The following ACACB variants were observed in gnomAD, a reference collection of about 807,000 sequenced individuals.
ACACB encodes the protein acetyl-CoA carboxylase beta, also known as acetyl-CoA carboxylase 2.
In ACACB, 209 loss-of-function variants were observed where a neutral mutation model predicts 278.8. That is an observed-to-expected ratio of 0.75 (90% CI 0.67 to 0.84). The LOEUF is 0.84. Ranked by LOEUF, ACACB falls within the 40% of genes least tolerant of loss-of-function variation. ACACB has a pLI of 0.00. For missense variants in ACACB, 2,850 were observed against 3,269.0 expected, an observed-to-expected ratio of 0.87 and a Z score of 3.13; for synonymous variants, 1,174 against 1,285.6, an observed-to-expected ratio of 0.91 and a Z score of 1.86.
chr12:109,147,682 G>A (rs2043277006), intron 2 of ACACB, among the ~76,000 whole-genome samples: 2 of 152,090 alleles, frequency 1.3e-5, no homozygotes, highest in Admixed American at 1.3e-4. Flanking sequence ...GCTGGTGCTG[G>A]CTCATGGTAG....
intron 46 of ACACB, 101 bp downstream of exon 46, chr12:109,258,465 G>A (rs952316368): frequency 2.6e-5 from 24 of 911,686 alleles, no homozygotes; most frequent in African/African-American, 6.5e-5. Flanking sequence ...AACTTAGGTG[G>A]AGAAGCAGGG....
At chr12:109,201,256 G>C (rs1269344694) in intron 18 of ACACB, among the ~76,000 whole-genome samples, 3 of 152,198 alleles carry the variant, frequency 2.0e-5, no homozygotes, top group South Asian at 2.1e-4. Context: ...TATGTAATAT[G>C]ATTTAACAGT....
chr12:109,124,537 G>T (rs929761939), intron 1 of ACACB, among the ~76,000 whole-genome samples: 1 of 152,202 alleles, frequency 6.6e-6, no homozygotes, highest in African/African-American at 2.4e-5. Flanking sequence ...TGAGTTTAGG[G>T]TATCAGTCTG....
chr12:109,172,571 A>G (rs2044154766), intron 6 of ACACB, among the ~76,000 whole-genome samples: 1 of 152,198 alleles, frequency 6.6e-6, no homozygotes, highest in Admixed American at 6.5e-5. Flanking sequence ...TTTTCAAAGG[A>G]AGACACACAG....
Position 109,188,051 on chromosome 12 carries a change from A to G in ACACB, c.2033A>G (p.Lys678Arg). ...TVQELNFRSS[K>R]NVWGYFSVAA... ...CAGGAACTGAATTTCCGGAGCAGCA[A>G]GAACGTGTGGGGTTACTTCAGCGTG... is the stretch of plus-strand genomic sequence containing the variant. The change falls in exon 13 of 53, where the codon AAG (lysine) becomes AGG (arginine). Residue 678 changes from lysine (K) to arginine (R), a missense_variant. Physicochemically the swap from Lys to Arg is conservative, Grantham distance 26 (BLOSUM62 2). Transcript: ENST00000338432. 1 of 1,613,538 alleles carries G rather than the reference A, an allele frequency of 6.2e-7. No individual in the cohort carries two copies. The highest frequency in any genetic ancestry group is 8.5e-7 in the Non-Finnish European group (1 of 1,179,434).
At chr12:109,260,196 C>T (rs774502324) in intron 47 of ACACB, 10 of 1,417,236 alleles carry the variant, frequency 7.1e-6, no homozygotes, top group Non-Finnish European at 7.6e-6. Context: ...AGGGCAGGGA[C>T]AGTCATGGGT....
In ACACB at chr12:109,256,322, G is replaced by A. The variant is rs2047223722; in HGVS notation, c.6263+86G>A. ...GGTGTGAGGCCAGGGACCTCCAGGGGCAATTTTCTTCTTGGCCTCAGGATT... is the reference window on the plus strand; with the variant it reads ...GGTGTGAGGCCAGGGACCTCCAGGGACAATTTTCTTCTTGGCCTCAGGATT... On this transcript the variant is annotated intron_variant, in intron 45 of 52. Coordinates refer to ENST00000338432, the MANE Select transcript of ACACB (RefSeq NM_001093.4). 3.9e-6 allele frequency: 4 copies of A among 1,030,672 alleles called. No individual in the cohort carries two copies. The South Asian group carries it at 4.1e-5, about 11-fold the overall frequency. The allele number at this position is 1,030,672 out of a possible 1,614,324, so 63.8% of individuals were successfully genotyped here.
chr12:109,167,552 T>G (rs961323328), intron 3 of ACACB, among the ~76,000 whole-genome samples: 3 of 147,436 alleles, frequency 2.0e-5, no homozygotes, highest in African/African-American at 7.5e-5. Context: ...TGAGCTGTGA[T>G]TGCACCACTG....
At chr12:109,255,238 C>T (rs1224885822) in intron 44 of ACACB, among the ~76,000 whole-genome samples, 1 of 152,204 alleles carries the variant, frequency 6.6e-6, no homozygotes, top group Non-Finnish European at 1.5e-5. Context: ...GCAACCAGAA[C>T]ACAACAGGAA....
chr12:109,222,197 C>A (rs1479805840), intron 24 of ACACB, among the ~76,000 whole-genome samples: 37 of 152,152 alleles, frequency 2.4e-4, no homozygotes. Context: ...CTGGCCTAAT[C>A]ACTGGCTATT....
chr12:109,122,827 G>A lies in ACACB; in HGVS notation c.-10+6123G>A, dbSNP rs11065619. Reference sequence around the variant, plus strand: ...CAGCTTCAATAACCATTGCCTTTCTGCCCTTCTAGTTTCATCTTCCTATAC... The same window carrying A: ...CAGCTTCAATAACCATTGCCTTTCTACCCTTCTAGTTTCATCTTCCTATAC... On this transcript the variant is annotated intron_variant, in intron 1 of 52. Transcript: ENST00000338432. Among the ~76,000 whole-genome samples, 641 of 151,850 alleles carry A rather than the reference G, an allele frequency of 4.2e-3. 6 individuals are homozygous for A. The highest frequency in any genetic ancestry group is 0.014 in the African/African-American group (593 of 41,380).
At chr12:109,114,214 T>A (rs1409468587), upstream of ACACB, among the ~76,000 whole-genome samples, 2 of 152,142 alleles carry the variant, frequency 1.3e-5, no homozygotes, top group Non-Finnish European at 2.9e-5. Context: ...GTTTTTGAAA[T>A]ATGCTTGGAA....
chr12:109,167,808 T>A (rs1329958685), intron 3 of ACACB, 88 bp from the exon 4 acceptor site: 1 of 1,600,130 alleles, frequency 6.2e-7, no homozygotes, highest in Non-Finnish European at 8.5e-7. Context: ...CAGGAGGCTC[T>A]GCAGCTGTGA....
Position 109,139,537 on chromosome 12 carries a change from C to T in ACACB, c.132C>T (p.Ser44=). Residue 44 remains serine, a synonymous_variant, in exon 2 of 53, where the codon AGC becomes AGT. Transcript: ENST00000338432. ...AATCAGAAGCAAACCTCATCCCGAG[C>T]CAGGAGCCCTTTCCAGCCTCTGATA... The part of the protein sequence containing the change: ...KSKSEANLIP[S]QEPFPASDNS... 6.2e-7 allele frequency: 1 copy of T among 1,614,124 alleles called. No individual in the cohort carries two copies. The highest frequency in any genetic ancestry group is 8.5e-7 in the Non-Finnish European group (1 of 1,180,038).
At chr12:109,260,751 CT>C in intron 48 of ACACB, 94 bp downstream of exon 48, 1 of 1,247,554 alleles carries the variant, frequency 8.0e-7, no homozygotes, top group Non-Finnish European at 1.1e-6. Context: ...GATGCAGTGG[CT>C]GGAACCTGTA....
intron 13 of ACACB, among the ~76,000 whole-genome samples, chr12:109,191,216 T>TTTTC (rs34289600): frequency 0.067 from 2,056 of 30,700 alleles, 58 homozygotes; most frequent in African/African-American, 0.19. Flanking sequence ...TTAACTCTTC[T>TTTTC]TTTTTTTTTT....
rs759413830 is a variant in ACACB at position 109,241,152 on chromosome 12, G to A, written c.4893G>A (p.Glu1631=). 6.2e-7 allele frequency: 1 copy of A among 1,614,172 alleles called. No individual in the cohort carries two copies. ...GGAAACTCCGTGTGCTACAGGCTGA[G>A]GTCAAGATCAACATCCGCCAGACCA... ...RLWKLRVLQA[E]VKINIRQTTT... Residue 1631 remains glutamate (E), a synonymous_variant, in exon 36 of 53, where the codon GAG becomes GAA. Coordinates refer to ENST00000338432, the MANE Select transcript of ACACB (RefSeq NM_001093.4).
intron 2 of ACACB, among the ~76,000 whole-genome samples, chr12:109,144,121 T>A (rs1328630267): frequency 6.6e-6 from 1 of 152,164 alleles, no homozygotes; most frequent in Non-Finnish European, 1.5e-5. Context: ...AAGACCAGCC[T>A]GGGCAACATG....
chr12:109,258,828 T>C (rs1205993056), intron 46 of ACACB, 145 bp from the exon 47 acceptor site: 4 of 1,070,270 alleles, frequency 3.7e-6, no homozygotes, highest in East Asian at 4.8e-5. Flanking sequence ...GAGATGGGGC[T>C]TCCATCCTTC....
Sources: gnomAD v4.1 joint callset for allele counts (sites outside exome capture counted in the v4.1 genomes callset) on GRCh38, gnomAD v4.1.1 for gene constraint, MANE v1.5 for transcripts, NCBI Gene and HGNC (gene_info 2026-07-23, HGNC 2026-07-21) for gene names.